Variants in GCNT1 observed in about 807,000 individuals in gnomAD.
The protein encoded by GCNT1 is glucosaminyl (N-acetyl) transferase 1, also known as beta-1,3-galactosyl-O-glycosyl-glycoprotein beta-1,6-N-acetylglucosaminyltransferase.
In GCNT1, 16 loss-of-function variants were observed where a neutral mutation model predicts 26.2. The observed-to-expected ratio is 0.61, with a 90% CI of 0.41 to 0.93. The LOEUF is 0.93. Among genes scored for constraint, GCNT1 ranks in the 40% least tolerant of loss-of-function variants. The pLI is 0.00. For missense variants in GCNT1, 477 were observed against 526.7 expected (o/e 0.91, Z 0.92); for synonymous variants, 183 against 190.8 (o/e 0.96, Z 0.34).
chr9:76,464,376 C>G (rs1359993990), intron 2 of GCNT1, among the ~76,000 whole-genome samples: 2 of 152,052 alleles, frequency 1.3e-5, no homozygotes, highest in Non-Finnish European at 2.9e-5. Context: ...GCCACTATGC[C>G]TGAGTAATTT....
intron 2 of GCNT1, among the ~76,000 whole-genome samples, chr9:76,498,015 C>T (rs548571878): frequency 6.6e-6 from 1 of 152,288 alleles, no homozygotes; most frequent in African/African-American, 2.4e-5. Context: ...CAGCCCCTGG[C>T]AGACACTCAT....
chr9:76,436,186 A>G (rs1823407023), intron 1 of GCNT1, among the ~76,000 whole-genome samples: 2 of 151,632 alleles, frequency 1.3e-5, no homozygotes, highest in South Asian at 4.2e-4. Context: ...TCCTGACCTC[A>G]GGTGATCCAC....
chr9:76,427,198 C>CTG (rs1823269186), intron 1 of GCNT1, among the ~76,000 whole-genome samples: 1 of 142,038 alleles, frequency 7.0e-6, no homozygotes, highest in Non-Finnish European at 1.5e-5. Flanking sequence ...CTGCCAACAC[C>CTG]TTTTTTTTTT....
intron 2 of GCNT1, among the ~76,000 whole-genome samples, chr9:76,492,200 C>G (rs1824759648): frequency 1.3e-5 from 2 of 152,082 alleles, no homozygotes; most frequent in African/African-American, 4.8e-5. Context: ...TTCCAATGCC[C>G]AGACTTCAGG....
At chr9:76,421,342 G>A (rs1013843147) in intron 1 of GCNT1, among the ~76,000 whole-genome samples, 1 of 152,042 alleles carries the variant, frequency 6.6e-6, no homozygotes, top group African/African-American at 2.4e-5. Context: ...GCTCACACCT[G>A]TAATCCTAGC....
the GCNT1 span, among the ~76,000 whole-genome samples, chr9:76,413,653 G>GTTTTGTTTTTTTTGTTT: frequency 1.2e-4 from 14 of 118,646 alleles, no homozygotes; most frequent in African/African-American, 1.5e-4. Context: ...GTTTTGTTTT[G>GTTTTGTTTTTTTTGTTT]TTTTTTTTTT....
At chr9:76,488,702 C>T (rs562347057) in intron 2 of GCNT1, among the ~76,000 whole-genome samples, 88 of 152,314 alleles carry the variant, frequency 5.8e-4, no homozygotes, top group Non-Finnish European at 2.5e-4. Context: ...CCAGGCTGGT[C>T]CCAAACTCAT....
intron 2 of GCNT1, among the ~76,000 whole-genome samples, chr9:76,467,253 A>G (rs1223342882): frequency 6.6e-6 from 1 of 152,200 alleles, no homozygotes; most frequent in Non-Finnish European, 1.5e-5. Context: ...CGTGTTAGCC[A>G]GGATGGTCTC....
At chr9:76,485,023 A>G (rs1014372163) in intron 2 of GCNT1, among the ~76,000 whole-genome samples, 2 of 152,114 alleles carry the variant, frequency 1.3e-5, no homozygotes, top group Admixed American at 6.5e-5. Context: ...TCCAGACCTC[A>G]TGATCCGCCC....
rs143055570 is a variant in GCNT1, at chr9:76,426,397, G to A, written n.38+6510G>A. ...ATCCTGGGCAACATGGCGAAGCCCT[G>A]TCTTCGCAAAAAATACAAAAATTAG... On this transcript the variant is annotated intron_variant and non_coding_transcript_variant, in intron 1 of 3. Coordinates refer to the GCNT1 transcript ENST00000488136. Among the ~76,000 whole-genome samples the A allele has an allele frequency of 1.7e-4, 26 of 152,108 alleles. 1 individual carries two copies. The East Asian group carries it at 5.0e-3, about 29-fold the overall frequency.
chr9:76,421,676 T>G (rs1005041063), intron 1 of GCNT1, among the ~76,000 whole-genome samples: 5 of 146,918 alleles, frequency 3.4e-5, no homozygotes, highest in Admixed American at 6.9e-5. Context: ...GCAACTCAAT[T>G]TGTTTGTAGG....
chr9:76,427,340 C>T (rs115865746), intron 1 of GCNT1, among the ~76,000 whole-genome samples: 1,782 of 151,954 alleles, frequency 0.012, 29 homozygotes, highest in African/African-American at 0.039. Context: ...CACCCATGCT[C>T]AGTTAATTAT....
At chr9:76,394,373 G>C in the GCNT1 span, 1 of 503,138 alleles carries the variant, frequency 2.0e-6, no homozygotes, top group Non-Finnish European at 3.5e-6. Context: ...ATACCGCCGG[G>C]CGCCTGAGGA....
chr9:76,505,149 G>A lies in GCNT1; in HGVS notation c.*1481G>A. 4.9e-6 allele frequency: 2 copies of A among 406,058 alleles called. No individual in the cohort carries two copies. Among genetic ancestry groups the A allele is most frequent in the Middle Eastern group, 6.5e-4 (1 of 1,534 alleles). The allele number at this position is 406,058 out of a possible 1,614,324, so 25.2% of individuals were successfully genotyped here. ...GACTTTAAACAAGAATTAAAATCAT[G>A]TGCTGTATTTTTAAAATCTAGCCAA... is the stretch of plus-strand genomic sequence containing the variant. On this transcript the variant is annotated 3_prime_UTR_variant, in exon 4 of 4. Transcript: ENST00000376730.
the GCNT1 span, among the ~76,000 whole-genome samples, chr9:76,405,759 G>A: frequency 6.6e-6 from 1 of 152,170 alleles, no homozygotes; most frequent in Non-Finnish European, 1.5e-5. Flanking sequence ...TCTATTGTCT[G>A]TGTGTATCAT....
intron 1 of GCNT1, among the ~76,000 whole-genome samples, chr9:76,424,266 T>A (rs888966636): frequency 2.0e-5 from 3 of 152,164 alleles, no homozygotes; most frequent in Non-Finnish European, 4.4e-5. Context: ...AAGGCCTGGG[T>A]CCTGGGGAAG....
the GCNT1 span, chr9:76,398,629 C>A: frequency 2.3e-6 from 2 of 863,562 alleles, no homozygotes; most frequent in Non-Finnish European, 3.7e-6. Flanking sequence ...TTGCTTTCCG[C>A]GCTACCTACA....
At chr9:76,419,805 AAAT>A (rs775238419), upstream of GCNT1, 8 of 152,228 alleles carry the variant, frequency 5.3e-5, no homozygotes, top group Non-Finnish European at 1.0e-4. Context: ...AACATTTACT[AAAT>A]AAGTTGAGCA....
At chr9:76,413,744 TTA>T in the GCNT1 span, among the ~76,000 whole-genome samples, 1 of 150,330 alleles carries the variant, frequency 6.7e-6, no homozygotes, top group South Asian at 2.1e-4. Context: ...ATGTCTGACA[TTA>T]ATTTGTGGAA....
Sources: allele counts gnomAD v4.1 joint callset (sites outside exome capture counted in the v4.1 genomes callset), GRCh38; gene constraint gnomAD v4.1.1; transcripts MANE v1.5; gene names NCBI Gene and HGNC (gene_info 2026-07-23, HGNC 2026-07-21).